Variants in MGAM observed in about 807,000 individuals in gnomAD.
The protein encoded by MGAM is maltase-glucoamylase.
In MGAM, 253 loss-of-function variants were observed where a neutral mutation model predicts 358.8. The ratio of observed to expected loss-of-function variants is 0.71; its 90% CI spans 0.64 to 0.78. The LOEUF (loss-of-function observed/expected upper bound fraction) is 0.78, where lower values mean the gene tolerates loss of function less well. Among genes scored for constraint, MGAM ranks in the 30% least tolerant of loss-of-function variants. The pLI is 0.00. For synonymous variants in MGAM, 1,105 were observed against 1,227.1 expected, an observed-to-expected ratio of 0.90 and a Z score of 2.08; for missense variants, 3,080 against 3,432.6, an observed-to-expected ratio of 0.90 and a Z score of 2.57.
chr7:142,091,211 C>T (rs2129058576), intron 57 of MGAM, among the ~76,000 whole-genome samples: 1 of 139,476 alleles, frequency 7.2e-6, no homozygotes, highest in South Asian at 2.3e-4. Flanking sequence ...AGCACCACTG[C>T]ACTCTAGCCT....
At chr7:142,042,873 TTA>T (rs1809197869) in intron 21 of MGAM, among the ~76,000 whole-genome samples, 1 of 48,026 alleles carries the variant, frequency 2.1e-5, no homozygotes, top group African/African-American at 6.5e-5. Flanking sequence ...AATATCTACA[TTA>T]TATATACATA....
chr7:142,024,253 C>T (rs1018455628), intron 7 of MGAM, among the ~76,000 whole-genome samples: 2 of 151,046 alleles, frequency 1.3e-5, no homozygotes, highest in East Asian at 2.0e-4. Flanking sequence ...AAATAAAAAC[C>T]GAAACAAAAA....
In MGAM at chr7:142,086,800, T is replaced by C. The variant is rs111544109; in HGVS notation, c.6810+83T>C. ...CCTGGGAATGTGGACATGCCTGTACTGTGGACATGGGCTTGGCAAGGGAGA... is the reference window on the plus strand; with the variant it reads ...CCTGGGAATGTGGACATGCCTGTACCGTGGACATGGGCTTGGCAAGGGAGA... On this transcript the variant is annotated intron_variant, in intron 57 of 70. Coordinates refer to ENST00000475668, the MANE Select transcript of MGAM (RefSeq NM_001365693.1). The C allele has an allele frequency of 2.4e-3, 1,595 of 656,318 alleles. 118 individuals are homozygous for C. The African/African-American group carries it at 0.028, about 12-fold the overall frequency. 40.7% of individuals were successfully genotyped at this position (656,318 alleles called of 1,614,324 possible).
chr7:142,078,961 C>T lies in MGAM; in HGVS notation c.5800C>T (p.Leu1934Phe). Residue 1934 changes from leucine (L) to phenylalanine (F), a missense_variant, in exon 49 of 71, where the codon CTT becomes TTT. Transcript: ENST00000475668. ...NAFPSTPVNP[L>F]RLDVTYHKNE... is the part of the protein sequence containing the mutation. ...CTTCCCTTCCACACCCGTGAACCCC[C>T]TTCGCCTGGATGTCACTTACCATAA... 1.3e-6 allele frequency: 2 copies of T among 1,556,054 alleles called. No homozygotes were observed. Among genetic ancestry groups the T allele is most frequent in the Non-Finnish European group, 8.8e-7 (1 of 1,132,398 alleles).
chr7:142,069,071 A>T lies in MGAM; in HGVS notation c.5061+368A>T, dbSNP rs917097697. Among the ~76,000 whole-genome samples the T allele has an allele frequency of 2.1e-5, 3 of 146,256 alleles. 1 individual carries two copies. Among genetic ancestry groups the T allele is most frequent in the East Asian group, 4.0e-4 (2 of 4,984 alleles). Reference sequence around the variant, plus strand: ...ACTATAGTTTTTGTTTTTATTGTTGATATCTTTGCCTGCTGTAAGTTTGTA... The same window carrying T: ...ACTATAGTTTTTGTTTTTATTGTTGTTATCTTTGCCTGCTGTAAGTTTGTA... On this transcript the variant is annotated intron_variant, in intron 43 of 70. Transcript: ENST00000475668.
chr7:142,099,741 A>G lies in MGAM; in HGVS notation c.7874+4A>G. ...CTGCACTGAACACCCACTTAAGGTA[A>G]GTGACAGGACTCAGGTTTTCCTTTA... On this transcript the variant is annotated splice_donor_region_variant and intron_variant, in intron 67 of 70. Coordinates refer to ENST00000475668, the MANE Select transcript of MGAM (RefSeq NM_001365693.1). 1 of 1,613,852 alleles carries G rather than the reference A, an allele frequency of 6.2e-7. No homozygotes were observed.
At chr7:142,054,622 T>C in intron 26 of MGAM, 132 bp from the exon 27 acceptor site, 1 of 1,040,696 alleles carries the variant, frequency 9.6e-7, no homozygotes, top group South Asian at 1.8e-5. Flanking sequence ...ATATATTAAT[T>C]AAATCTCAGA....
chr7:142,024,797 C>T (rs1445151293), intron 7 of MGAM, among the ~76,000 whole-genome samples: 2 of 152,148 alleles, frequency 1.3e-5, no homozygotes, highest in Non-Finnish European at 2.9e-5. Flanking sequence ...ATCCTCTTAC[C>T]TTCTAAAAAA....
chr7:142,094,588 C>T lies in MGAM; in HGVS notation c.7307-32C>T, dbSNP rs747599939. The T allele has an allele frequency of 3.3e-5, 53 of 1,582,658 alleles. 4 individuals carry two copies. In the East Asian group the frequency reaches 1.2e-3, roughly 36 times the overall value. On this transcript the variant is annotated intron_variant, in intron 61 of 70. Coordinates refer to ENST00000475668, the MANE Select transcript of MGAM (RefSeq NM_001365693.1). ...GAGGAGGCAGGTCGTGAGAGCGAGC[C>T]TGGTGTGACACAGCTGTGCTTCTCG...
intron 3 of MGAM, among the ~76,000 whole-genome samples, chr7:142,013,281 C>T (rs1317741835): frequency 2.0e-5 from 3 of 151,898 alleles, no homozygotes; most frequent in Admixed American, 6.6e-5. Flanking sequence ...AGGTCTAATG[C>T]GAATTGTGAG....
At chr7:142,010,342 C>A (rs1373926193) in intron 3 of MGAM, among the ~76,000 whole-genome samples, 3 of 152,092 alleles carry the variant, frequency 2.0e-5, no homozygotes, top group Non-Finnish European at 4.4e-5. Context: ...CAGCTGAACT[C>A]GTTACCTCCT....
At chr7:142,032,500 T>C (rs1241128486) in intron 13 of MGAM, among the ~76,000 whole-genome samples, 1 of 152,200 alleles carries the variant, frequency 6.6e-6, no homozygotes, top group Admixed American at 6.5e-5. Flanking sequence ...TATGTATATG[T>C]ATTTACAGTT....
chr7:142,033,392 T>C (rs886689157), intron 14 of MGAM, among the ~76,000 whole-genome samples: 3 of 152,164 alleles, frequency 2.0e-5, no homozygotes, highest in Non-Finnish European at 4.4e-5. Context: ...TCAGCTTTGA[T>C]TGAACTTTGG....
Position 142,005,634 on chromosome 7 carries a change from C to T in MGAM, c.104C>T (p.Ala35Val). ...AGTATTGTTCTAATTGTGCTTTTAG[C>T]CAAAGAGTCACTGAAATCAACAGGT... ...IISIVLIVLLAKESLKSTAPD... is the reference protein window; with the variant it reads ...IISIVLIVLLVKESLKSTAPD... Residue 35 changes from alanine to valine, a missense_variant, in exon 2 of 71, where the codon GCC becomes GTC. Transcript: ENST00000475668. The T allele has an allele frequency of 6.3e-7, 1 of 1,599,368 alleles. No individual in the cohort carries two copies. The highest frequency in any genetic ancestry group is 8.5e-7 in the Non-Finnish European group (1 of 1,172,604).
chr7:141,990,086 G>A (rs1347920194), intron 2 of MGAM, among the ~76,000 whole-genome samples: 1 of 152,132 alleles, frequency 6.6e-6, no homozygotes, highest in African/African-American at 2.4e-5. Flanking sequence ...AGGCTCTGTG[G>A]GCAGCATCTT....
chr7:141,993,643 A>T (rs1563093033), upstream of MGAM, among the ~76,000 whole-genome samples: 2 of 152,168 alleles, frequency 1.3e-5, no homozygotes, highest in African/African-American at 4.8e-5. Flanking sequence ...GTGAACTTGG[A>T]GGGGGAAAAT....
At position 142,088,871 on chromosome 7, in the gene MGAM, A is replaced by ATCTATCT. The variant is rs751892264; in HGVS notation, c.6810+2154_6810+2155insTCTATCT. Among the ~76,000 whole-genome samples, 7 of 130,792 alleles carry ATCTATCT rather than the reference A, an allele frequency of 5.4e-5. 1 individual carries two copies. Among genetic ancestry groups the ATCTATCT allele is most frequent in the African/African-American group, 1.6e-4 (6 of 37,308 alleles). 85.8% of individuals were successfully genotyped at this position (130,792 alleles called of 152,430 possible). A position where few individuals can be genotyped will look rare whatever the true frequency, so the allele number is the denominator to read the frequency against. On this transcript the variant is annotated intron_variant, in intron 57 of 70. Coordinates refer to ENST00000475668, the MANE Select transcript of MGAM (RefSeq NM_001365693.1). ...TATCTATCTATCTATCTATCTATCT[A>ATCTATCT]ATCTATCTCCACCTCTATTCATCCA...
chr7:142,048,496 A>G (rs1563163782), intron 22 of MGAM, among the ~76,000 whole-genome samples: 36 of 152,088 alleles, frequency 2.4e-4, no homozygotes, highest in Admixed American at 4.6e-4. Flanking sequence ...AGATGGTTTC[A>G]AGACTGTTCC....
intron 1 of MGAM, 59 bp from the exon 2 acceptor site, chr7:142,005,470 C>A (rs1190667305): frequency 2.4e-6 from 3 of 1,238,980 alleles, no homozygotes; most frequent in East Asian, 5.3e-5. Flanking sequence ...CATTAAAAAT[C>A]TTACTAGTTA....
Sources: allele counts gnomAD v4.1 joint callset (sites outside exome capture counted in the v4.1 genomes callset), GRCh38; gene constraint gnomAD v4.1.1; transcripts MANE v1.5; gene names NCBI Gene and HGNC (gene_info 2026-07-23, HGNC 2026-07-21).